VPS36: variants seen among roughly 807,000 people sequenced by gnomAD.
VPS36 encodes vacuolar protein sorting 36 homolog.
In VPS36, 31 loss-of-function variants were observed where a neutral mutation model predicts 63.5. That is an observed-to-expected ratio of 0.49 (90% confidence interval 0.37 to 0.66). The LOEUF is 0.66. Ranked by LOEUF, VPS36 falls within the 30% of genes least tolerant of loss-of-function variation. The probability of loss-of-function intolerance (pLI) is 0.00; values close to 1 mark genes in which losing one functional copy is unlikely to be tolerated. For synonymous variants in VPS36, 138 were observed against 157.2 expected (o/e 0.88, Z 0.91); for missense variants, 338 against 463.7 (o/e 0.73, Z 2.49).
chr13:52,450,045 AC>A (rs1958385371), intron 1 of VPS36: 1 of 987,420 alleles, frequency 1.0e-6, no homozygotes, highest in African/African-American at 1.7e-5. Flanking sequence ...CTGTACGGCC[AC>A]CGCGCCCTCC....
chr13:52,437,987 C>A (rs974688407), intron 3 of VPS36, among the ~76,000 whole-genome samples: 1 of 151,480 alleles, frequency 6.6e-6, no homozygotes, highest in African/African-American at 2.4e-5. Context: ...AAAGGTGAAA[C>A]GTACACATCT....
At chr13:52,450,438 G>A (rs1958390637) in intron 1 of VPS36, 61 bp downstream of exon 1, 7 of 1,507,334 alleles carry the variant, frequency 4.6e-6, no homozygotes, top group Non-Finnish European at 5.3e-6. Flanking sequence ...GCTGAGCCGG[G>A]CCGCGCGCCC....
At chr13:52,437,088 C>T (rs150767943) in intron 3 of VPS36, among the ~76,000 whole-genome samples, 25 of 151,012 alleles carry the variant, frequency 1.7e-4, no homozygotes, top group African/African-American at 5.8e-4. Flanking sequence ...AATAAGCAAT[C>T]TTCTATAAAG....
chr13:52,422,113 C>T (rs558653717), intron 10 of VPS36, among the ~76,000 whole-genome samples: 30 of 152,296 alleles, frequency 2.0e-4, no homozygotes, highest in African/African-American at 7.2e-4. Flanking sequence ...TTCTTCCCCG[C>T]TCCCACTTAT....
rs916656297 is a variant in VPS36 at position 52,412,621 on chromosome 13, A to T, written c.*3209T>A. The T allele has an allele frequency of 7.9e-5, 12 of 152,204 alleles. No homozygotes were observed. Among genetic ancestry groups the T allele is most frequent in the Non-Finnish European group, 1.6e-4 (11 of 68,042 alleles). The allele number at this position is 152,204 out of a possible 1,614,324, so 9.4% of individuals were successfully genotyped here. A position where few individuals can be genotyped will look rare whatever the true frequency, so the allele number is the denominator to read the frequency against. On this transcript the variant is annotated 3_prime_UTR_variant, in exon 14 of 14. Coordinates refer to ENST00000378060, the MANE Select transcript of VPS36 (RefSeq NM_016075.4). ...ACAAAATTGCTATGTGTTCAAAAAA[A>T]TGTTTTTTTTATTGAATTGAATGGG...
chr13:52,436,475 T>A, intron 3 of VPS36, 71 bp from the exon 4 acceptor site: 1 of 1,057,860 alleles, frequency 9.5e-7, no homozygotes, highest in Non-Finnish European at 1.4e-6. Context: ...CTTTTATAAC[T>A]TTTTATGTAT....
chr13:52,433,511 C>T (rs946435697), intron 6 of VPS36, 151 bp downstream of exon 6: 76 of 570,566 alleles, frequency 1.3e-4, no homozygotes, highest in Admixed American at 2.6e-4. Context: ...TTTGCCAGCC[C>T]GAGGTAGACC....
At chr13:52,420,239 C>T (rs1315963165) in intron 10 of VPS36, among the ~76,000 whole-genome samples, 1 of 144,164 alleles carries the variant, frequency 6.9e-6, no homozygotes, top group Non-Finnish European at 1.5e-5. Flanking sequence ...TTAAGACTGT[C>T]TCAAAAAAAA....
intron 2 of VPS36, among the ~76,000 whole-genome samples, chr13:52,440,535 C>T (rs924159995): frequency 2.0e-5 from 3 of 152,128 alleles, no homozygotes; most frequent in Non-Finnish European, 2.9e-5. Context: ...TCAGGTGATC[C>T]GCCCGCCTCA....
chr13:52,425,748 C>A, intron 9 of VPS36, 184 bp downstream of exon 9: 2 of 562,742 alleles, frequency 3.6e-6, no homozygotes, highest in Non-Finnish European at 5.4e-6. Context: ...AAATTAAAAA[C>A]AACTTAGAAA....
chr13:52,439,640 G>T (rs186218649), intron 2 of VPS36, among the ~76,000 whole-genome samples: 1,984 of 152,164 alleles, frequency 0.013, 18 homozygotes, highest in Non-Finnish European at 0.022. Flanking sequence ...TAGAGACGGG[G>T]TTTCACCATG....
rs1480760264 is a variant in VPS36, at chr13:52,427,115, T to C, written c.562-49A>G. The C allele has an allele frequency of 1.9e-6, 3 of 1,603,894 alleles. No homozygotes were observed. In the African/African-American group the frequency reaches 4.0e-5, roughly 21 times the overall value. ...GAAAAGCACTATTGTCCCCAAAATG[T>C]CTGCTAACAAAATATATTTCAAAAA... is the stretch of plus-strand genomic sequence containing the variant. On this transcript the variant is annotated intron_variant, in intron 7 of 13. Coordinates refer to ENST00000378060, the MANE Select transcript of VPS36 (RefSeq NM_016075.4).
intron 1 of VPS36, among the ~76,000 whole-genome samples, chr13:52,443,297 A>G (rs1269806645): frequency 6.6e-6 from 1 of 152,214 alleles, no homozygotes; most frequent in Non-Finnish European, 1.5e-5. Flanking sequence ...TTAGCATTAA[A>G]CAAAAACCCC....
Position 52,439,082 on chromosome 13 carries a change from C to T in VPS36, c.236+16G>A. ...ATGTTTTCTGTGAATAAAGACTGTG[C>T]TATACACAGACTTACCTCTTCCCAA... On this transcript the variant is annotated intron_variant, in intron 3 of 13. Transcript: ENST00000378060. 1 of 1,611,198 alleles carries T rather than the reference C, an allele frequency of 6.2e-7. No homozygotes were observed. Among genetic ancestry groups the T allele is most frequent in the Non-Finnish European group, 8.5e-7 (1 of 1,178,090 alleles).
intron 1 of VPS36, among the ~76,000 whole-genome samples, chr13:52,444,522 ATATT>A (rs918039334): frequency 1.4e-5 from 2 of 147,770 alleles, no homozygotes; most frequent in African/African-American, 2.5e-5. Flanking sequence ...AAAAATATAT[ATATT>A]TATATATAAA....
chr13:52,433,783 A>T, intron 5 of VPS36, 35 bp from the exon 6 acceptor site: 1 of 1,565,460 alleles, frequency 6.4e-7, no homozygotes. Flanking sequence ...TAAAACATAC[A>T]AAATAGGAAG....
rs1453233117 is a variant in VPS36, at chr13:52,450,518, A to C, written c.77T>G (p.Ile26Ser). 6.3e-7 allele frequency: 1 copy of C among 1,594,534 alleles called. No homozygotes were observed. The highest frequency in any genetic ancestry group is 2.3e-5 in the East Asian group (1 of 42,794). Residue 26 changes from isoleucine (I) to serine (S), a missense_variant, in exon 1 of 14, where the codon ATC (isoleucine) becomes AGC (serine). Coordinates refer to ENST00000378060, the MANE Select transcript of VPS36 (RefSeq NM_016075.4). ...CCCTACCTTCTCCTCGCCATCGTAGATTCGCACCCCGCGCTGCTGGATCAC... is the reference window on the plus strand; with the variant it reads ...CCCTACCTTCTCCTCGCCATCGTAGCTTCGCACCCCGCGCTGCTGGATCAC... ...TLVIQQRGVR[I>S]YDGEEKIKFD...
intron 12 of VPS36, 97 bp from the exon 13 acceptor site, chr13:52,416,190 A>G (rs1171169275): frequency 9.0e-7 from 1 of 1,117,182 alleles, no homozygotes; most frequent in Non-Finnish European, 1.3e-6. Flanking sequence ...GTATACCAGT[A>G]TATGCAAGAA....
intron 6 of VPS36, among the ~76,000 whole-genome samples, chr13:52,432,319 C>T (rs1958167422): frequency 6.6e-6 from 1 of 152,110 alleles, no homozygotes; most frequent in Admixed American, 6.5e-5. Context: ...CCACTGCACT[C>T]CAGCCTGGGC....
Sources: gnomAD v4.1 joint callset for allele counts (sites outside exome capture counted in the v4.1 genomes callset) on GRCh38, gnomAD v4.1.1 for gene constraint, MANE v1.5 for transcripts, NCBI Gene and HGNC (gene_info 2026-07-23, HGNC 2026-07-21) for gene names.